RELN: variants seen among roughly 807,000 people sequenced by gnomAD.
RELN encodes the protein reelin.
A neutral mutation model predicts 427.6 loss-of-function variants in RELN; 108 were observed. The ratio of observed to expected loss-of-function variants is 0.25; its 90% CI spans 0.22 to 0.30. The LOEUF (loss-of-function observed/expected upper bound fraction) is 0.30, where lower values mean the gene tolerates loss of function less well. Ranked by LOEUF, RELN falls within the 10% of genes least tolerant of loss-of-function variation. RELN has a pLI of 1.00. For missense variants in RELN, 3,715 were observed against 4,302.8 expected (o/e 0.86, Z 3.82); for synonymous variants, 1,524 against 1,513.4 (o/e 1.01, Z -0.16).
chr7:103,730,723 A>G (rs1448410089), intron 6 of RELN, among the ~76,000 whole-genome samples: 1 of 152,162 alleles, frequency 6.6e-6, no homozygotes, highest in African/African-American at 2.4e-5. Flanking sequence ...CCAAGGACTG[A>G]TGGGACAAAT....
Position 103,635,546 on chromosome 7 carries a change from G to T in RELN, c.2344C>A (p.Leu782Met). 6.2e-7 allele frequency: 1 copy of T among 1,614,018 alleles called. No individual in the cohort carries two copies. The highest frequency in any genetic ancestry group is 8.5e-7 in the Non-Finnish European group (1 of 1,179,932). Reference protein sequence around the residue: ...FTLRLGSKSVLSTCRAPDQPG... With the variant: ...FTLRLGSKSVMSTCRAPDQPG... Reference sequence around the variant, plus strand: ...TGATCAGGGGCTCTGCACGTGCTCAGAACAGATTTGCTCCCCAGTCTCAGT... The same window carrying T: ...TGATCAGGGGCTCTGCACGTGCTCATAACAGATTTGCTCCCCAGTCTCAGT... Residue 782 changes from leucine to methionine, a missense_variant, in exon 19 of 65, where the codon CTG becomes ATG. Physicochemically the swap from Leu to Met is conservative, Grantham distance 15. Transcript: ENST00000428762.
Position 103,545,238 on chromosome 7 carries a change from T to C in RELN, c.6409A>G (p.Asn2137Asp), listed in dbSNP as rs748217120. 5 of 1,614,034 alleles carry C rather than the reference T, an allele frequency of 3.1e-6. No homozygotes were observed. In the South Asian group the frequency reaches 5.5e-5, roughly 18 times the overall value. ...CCATTGATACAGCTCCCCTGTCCAT[T>C]ACACATCTCCTCACACTGGGGACCG... ...YIGPQCEEMC[N>D]GQGSCINGTK... The change falls in exon 42 of 65, where the codon AAT becomes GAT. Residue 2137 changes from asparagine to aspartate, a missense_variant. Around this residue, in one of 4 missense-constraint regions of RELN, gnomAD observed 1,310 missense variants for 1,643.0 expected, o/e 0.80. Coordinates refer to ENST00000428762, the MANE Select transcript of RELN (RefSeq NM_005045.4).
intron 15 of RELN, 132 bp downstream of exon 15, chr7:103,651,529 T>A: frequency 1.2e-6 from 1 of 825,186 alleles, no homozygotes; most frequent in Admixed American, 2.0e-5. Context: ...CTTTCTTTTT[T>A]ACAAGACCAC....
chr7:103,521,255 A>C (rs1348083116), intron 48 of RELN, among the ~76,000 whole-genome samples: 1 of 152,018 alleles, frequency 6.6e-6, no homozygotes, highest in Non-Finnish European at 1.5e-5. Flanking sequence ...CTGGGATTAC[A>C]GGCGTGAGCC....
intron 3 of RELN, among the ~76,000 whole-genome samples, chr7:103,787,417 C>T (rs1043047825): frequency 5.3e-5 from 8 of 151,286 alleles, no homozygotes; most frequent in African/African-American, 1.9e-4. Context: ...AAAAGATTAG[C>T]AAAATAGATA....
chr7:103,892,915 C>T (rs191187892), intron 2 of RELN, among the ~76,000 whole-genome samples: 15 of 152,128 alleles, frequency 9.9e-5, no homozygotes, highest in African/African-American at 2.9e-4. Context: ...GGAAAGCTGA[C>T]GGCTTAGCCA....
chr7:103,652,381 C>A (rs1169002653), intron 14 of RELN, among the ~76,000 whole-genome samples, 170 bp downstream of exon 14: 1 of 151,738 alleles, frequency 6.6e-6, no homozygotes. Context: ...TCCAATCATA[C>A]CCCTCATATT....
At chr7:103,520,358 C>T (rs1829671284) in intron 48 of RELN, among the ~76,000 whole-genome samples, 1 of 152,092 alleles carries the variant, frequency 6.6e-6, no homozygotes, top group Non-Finnish European at 1.5e-5. Context: ...TCACTGCAAC[C>T]TCCATCTCCT....
intron 2 of RELN, among the ~76,000 whole-genome samples, chr7:103,851,553 G>C (rs937500620): frequency 1.3e-5 from 2 of 152,156 alleles, no homozygotes; most frequent in Non-Finnish European, 2.9e-5. Flanking sequence ...GTAAATGGAA[G>C]GAGCTCTCCG....
chr7:103,606,723 C>A (rs1413664601), intron 22 of RELN, among the ~76,000 whole-genome samples: 1 of 152,176 alleles, frequency 6.6e-6, no homozygotes, highest in Non-Finnish European at 1.5e-5. Flanking sequence ...TAAACAGTCA[C>A]ATGCAGACAC....
chr7:103,926,468 C>T (rs979493235), intron 1 of RELN, among the ~76,000 whole-genome samples: 1 of 152,004 alleles, frequency 6.6e-6, no homozygotes, highest in East Asian at 1.9e-4. Flanking sequence ...TTTGCAACAA[C>T]TTTATGCTTG....
intron 6 of RELN, among the ~76,000 whole-genome samples, chr7:103,737,871 A>C (rs1255170150): frequency 1.3e-5 from 2 of 151,994 alleles, no homozygotes; most frequent in African/African-American, 4.8e-5. Flanking sequence ...CTTTGTTGTA[A>C]ATTGTGGACC....
chr7:103,844,082 C>T (rs896132241), intron 2 of RELN, among the ~76,000 whole-genome samples: 3 of 152,174 alleles, frequency 2.0e-5, no homozygotes, highest in African/African-American at 7.2e-5. Flanking sequence ...AATTCACAAC[C>T]CAACTTCCAG....
chr7:103,538,199 T>C (rs1368019188), intron 45 of RELN, among the ~76,000 whole-genome samples: 1 of 152,198 alleles, frequency 6.6e-6, no homozygotes, highest in Non-Finnish European at 1.5e-5. Flanking sequence ...AATGAGAATA[T>C]TAAAAATTGT....
At chr7:103,486,084 C>A (rs1828430026) in intron 61 of RELN, 113 bp downstream of exon 61, 2 of 974,966 alleles carry the variant, frequency 2.1e-6, no homozygotes, top group Non-Finnish European at 3.3e-6. Flanking sequence ...CAGGTTTTCA[C>A]TGCTTAGTGA....
Position 103,630,004 on chromosome 7 carries a change from T to C in RELN, c.2638A>G (p.Thr880Ala), listed in dbSNP as rs1245603211. The stretch of plus-strand genomic sequence containing the variant: ...CCAAGGTAGAATCCCAGAGACTGAG[T>C]GACCTCCACAAGATTGGTAAAGTCA... The part of the protein sequence containing the change: ...SLDFTNLVEV[T>A]QSLGFYLGNV... The change falls in exon 20 of 65, where the codon ACT (threonine) becomes GCT (alanine). Residue 880 changes from threonine (T) to alanine (A), a missense_variant. Around this residue, in one of 4 missense-constraint regions of RELN, gnomAD observed 2,208 missense variants for 2,361.7 expected, o/e 0.93. Transcript: ENST00000428762. 1 of 1,613,830 alleles carries C rather than the reference T, an allele frequency of 6.2e-7. No homozygotes were observed.
At chr7:103,690,204 G>C (rs184257864) in intron 10 of RELN, among the ~76,000 whole-genome samples, 106 of 152,136 alleles carry the variant, frequency 7.0e-4, no homozygotes, top group Non-Finnish European at 8.2e-4. Flanking sequence ...GCCACTGCAA[G>C]TATCATTCCT....
At chr7:103,889,145 T>C (rs965049084) in intron 2 of RELN, among the ~76,000 whole-genome samples, 3 of 152,218 alleles carry the variant, frequency 2.0e-5, no homozygotes, top group Non-Finnish European at 2.9e-5. Context: ...AGACCGTTTA[T>C]ACCATCTTTT....
chr7:103,826,817 G>A (rs918688096), intron 3 of RELN, among the ~76,000 whole-genome samples: 4 of 151,894 alleles, frequency 2.6e-5, no homozygotes, highest in South Asian at 4.1e-4. Flanking sequence ...TTTCACAAAC[G>A]TTCTATGTGG....
Sources: gnomAD v4.1 joint callset for allele counts (sites outside exome capture counted in the v4.1 genomes callset) on GRCh38, gnomAD v4.1.1 for gene constraint, gnomAD v4.1.1 regional missense constraint, MANE v1.5 for transcripts, NCBI Gene and HGNC (gene_info 2026-07-23, HGNC 2026-07-21) for gene names.